Variants in NCALD observed in about 807,000 individuals in gnomAD.
NCALD encodes the protein neurocalcin delta.
In NCALD, 10 loss-of-function variants were observed where a neutral mutation model predicts 18.6. The ratio of observed to expected loss-of-function variants is 0.54; its 90% CI spans 0.33 to 0.91. The LOEUF (loss-of-function observed/expected upper bound fraction) is 0.91. Ranked by LOEUF, NCALD falls within the 40% of genes least tolerant of loss-of-function variation. The pLI is 0.03. For synonymous variants in NCALD, 88 were observed against 87.4 expected, an observed-to-expected ratio of 1.01 and a Z score of -0.04; for missense variants, 184 against 247.6, an observed-to-expected ratio of 0.74 and a Z score of 1.72.
chr8:101,767,730 A>C (rs1441136645), intron 1 of NCALD, among the ~76,000 whole-genome samples: 1 of 152,246 alleles, frequency 6.6e-6, no homozygotes, highest in Non-Finnish European at 1.5e-5. Flanking sequence ...CAAATGCTGC[A>C]AGTTCAATGT....
chr8:101,948,372 G>A (rs1819260786), intron 2 of NCALD, among the ~76,000 whole-genome samples: 1 of 152,192 alleles, frequency 6.6e-6, no homozygotes, highest in Non-Finnish European at 1.5e-5. Flanking sequence ...CCTCGGTGAA[G>A]GGTGCTCAGA....
At chr8:102,014,527 A>C (rs2132077429) in intron 2 of NCALD, among the ~76,000 whole-genome samples, 1 of 152,304 alleles carries the variant, frequency 6.6e-6, no homozygotes, top group Middle Eastern at 3.4e-3. Context: ...GCACCAGAAA[A>C]TTCCCTGCTA....
chr8:102,023,744 G>A (rs1822359999), intron 1 of NCALD, among the ~76,000 whole-genome samples: 1 of 152,210 alleles, frequency 6.6e-6, no homozygotes, highest in African/African-American at 2.4e-5. Context: ...AGTAAAGAAG[G>A]AAGGTCTGCC....
intron 1 of NCALD, among the ~76,000 whole-genome samples, chr8:101,758,052 A>G (rs981208594): frequency 6.6e-6 from 1 of 152,108 alleles, no homozygotes; most frequent in African/African-American, 2.4e-5. Flanking sequence ...AGCCTCCCAA[A>G]GCACTGGAAT....
chr8:101,860,835 T>C (rs575383198), intron 4 of NCALD, among the ~76,000 whole-genome samples: 1 of 152,190 alleles, frequency 6.6e-6, no homozygotes, highest in Admixed American at 6.5e-5. Context: ...AACAGCAGTA[T>C]ATGCAGACTG....
At chr8:102,004,246 G>A (rs1821603192) in intron 2 of NCALD, among the ~76,000 whole-genome samples, 1 of 151,958 alleles carries the variant, frequency 6.6e-6, no homozygotes, top group Non-Finnish European at 1.5e-5. Context: ...CAGACAAAGA[G>A]AGAGCCAAAT....
chr8:101,693,008 A>G, intron 2 of NCALD, 112 bp from the exon 3 acceptor site: 1 of 710,592 alleles, frequency 1.4e-6, no homozygotes, highest in Non-Finnish European at 2.5e-6. Flanking sequence ...TCCGCATTGG[A>G]CCTAGTCCTA....
intron 1 of NCALD, among the ~76,000 whole-genome samples, chr8:101,733,576 C>T (rs1816939424): frequency 6.6e-6 from 1 of 152,176 alleles, no homozygotes; most frequent in Non-Finnish European, 1.5e-5. Context: ...TAAACATGGA[C>T]TATTCATCTG....
chr8:101,881,572 G>C (rs1816495393), intron 4 of NCALD, among the ~76,000 whole-genome samples: 1 of 152,052 alleles, frequency 6.6e-6, no homozygotes, highest in African/African-American at 2.4e-5. Flanking sequence ...ATTTAAGTTT[G>C]GTGCCAAGGA....
chr8:101,998,390 G>A (rs918715125), intron 2 of NCALD, among the ~76,000 whole-genome samples: 1 of 151,984 alleles, frequency 6.6e-6, no homozygotes, highest in African/African-American at 2.4e-5. Context: ...AATTCTTCCA[G>A]CCATACTCCA....
chr8:101,787,322 C>T (rs1040411277), intron 1 of NCALD, among the ~76,000 whole-genome samples: 8 of 152,130 alleles, frequency 5.3e-5, no homozygotes, highest in African/African-American at 1.4e-4. Flanking sequence ...GAATAAGAAA[C>T]GTTTGAGAAC....
chr8:101,861,866 G>C (rs1815557103), intron 4 of NCALD, among the ~76,000 whole-genome samples: 1 of 152,324 alleles, frequency 6.6e-6, no homozygotes, highest in African/African-American at 2.4e-5. Context: ...GGCTGCGTGT[G>C]TTCCTGGGTC....
At chr8:102,020,014 TC>T (rs1470400344) in intron 2 of NCALD, among the ~76,000 whole-genome samples, 1 of 152,200 alleles carries the variant, frequency 6.6e-6, no homozygotes, top group African/African-American at 2.4e-5. Context: ...TTATATTCTC[TC>T]CTTTTCATTT....
chr8:101,769,645 G>A (rs1390014688), intron 1 of NCALD, among the ~76,000 whole-genome samples: 1 of 149,062 alleles, frequency 6.7e-6, no homozygotes, highest in East Asian at 1.9e-4. Flanking sequence ...TCTTTTTGCT[G>A]AGACACTGGC....
At chr8:102,026,765 G>A (rs1219668778) in intron 1 of NCALD, among the ~76,000 whole-genome samples, 1 of 152,182 alleles carries the variant, frequency 6.6e-6, no homozygotes, top group Non-Finnish European at 1.5e-5. Context: ...TTTCCCTTCT[G>A]CACTGCCCTA....
intron 2 of NCALD, among the ~76,000 whole-genome samples, chr8:101,937,209 T>G (rs1818795035): frequency 9.1e-6 from 1 of 109,808 alleles, no homozygotes; most frequent in East Asian, 2.9e-4. Context: ...TATTTTAGGT[T>G]CGGGGGTAAC....
chr8:101,839,026 T>C (rs563175068), intron 4 of NCALD, among the ~76,000 whole-genome samples: 1 of 152,322 alleles, frequency 6.6e-6, no homozygotes, highest in South Asian at 2.1e-4. Context: ...CAGAATACCA[T>C]AGTAACAATA....
chr8:101,733,622 C>A (rs2130614572), intron 1 of NCALD, among the ~76,000 whole-genome samples: 1 of 152,294 alleles, frequency 6.6e-6, no homozygotes, highest in South Asian at 2.1e-4. Context: ...GGGTTGTTTA[C>A]AACGATGAGC....
intron 1 of NCALD, among the ~76,000 whole-genome samples, chr8:102,070,661 T>C (rs1215322662): frequency 6.6e-6 from 1 of 152,252 alleles, no homozygotes; most frequent in East Asian, 1.9e-4. Context: ...CTTTCAGCCA[T>C]GTGGACAGTG....
Sources: allele counts gnomAD v4.1 joint callset (sites outside exome capture counted in the v4.1 genomes callset), GRCh38; gene constraint gnomAD v4.1.1; transcripts MANE v1.5; gene names NCBI Gene and HGNC (gene_info 2026-07-23, HGNC 2026-07-21).